Variants in BCR observed in about 807,000 individuals in gnomAD.
BCR encodes the protein BCR activator of RhoGEF and GTPase.
A neutral mutation model predicts 138.6 loss-of-function variants in BCR; 58 were observed. That is an observed-to-expected ratio of 0.42 (90% CI 0.34 to 0.52). The LOEUF is 0.52. BCR is among the 20% of genes least tolerant of loss of function. The pLI is 0.06. For missense variants in BCR, 1,599 were observed against 1,727.2 expected (o/e 0.93, Z 1.32); for synonymous variants, 786 against 730.1 (o/e 1.08, Z -1.23).
chr22:23,289,560 G>A lies in BCR; in HGVS notation c.2646G>A (p.Leu882=). The change falls in exon 13 of 23, where the codon CTG becomes CTA. Residue 882 remains leucine, a synonymous_variant. Coordinates refer to ENST00000305877, the MANE Select transcript of BCR (RefSeq NM_004327.4). Reference sequence around the variant, plus strand: ...TGACATCCGTGGAGCTGCAGATGCTGACCAACTCGTGTGTGAAACTCCAGA... The same window carrying A: ...TGACATCCGTGGAGCTGCAGATGCTAACCAACTCGTGTGTGAAACTCCAGA... ...FSLTSVELQM[L]TNSCVKLQTV... is the part of the protein sequence containing the mutation. 1 of 1,614,244 alleles carries A rather than the reference G, an allele frequency of 6.2e-7. No individual in the cohort carries two copies. The highest frequency in any genetic ancestry group is 8.5e-7 in the Non-Finnish European group (1 of 1,180,044).
chr22:23,258,591 A>G (rs2073321905), intron 2 of BCR, among the ~76,000 whole-genome samples: 1 of 152,134 alleles, frequency 6.6e-6, no homozygotes, highest in African/African-American at 2.4e-5. Flanking sequence ...CCTCAAACCC[A>G]TCAGTTCTCA....
At chr22:23,290,595 T>C in intron 14 of BCR, 182 bp downstream of exon 14, 1 of 642,456 alleles carries the variant, frequency 1.6e-6, no homozygotes, top group South Asian at 1.7e-5. Flanking sequence ...GAATTGTTTT[T>C]CCCGGAGTGG....
chr22:23,313,294 G>A (rs1404446503), intron 20 of BCR, among the ~76,000 whole-genome samples: 1 of 152,226 alleles, frequency 6.6e-6, no homozygotes, highest in African/African-American at 2.4e-5. Context: ...AAAGTCTGCT[G>A]TCCTCCTTCC....
chr22:23,188,051 G>A (rs371950007), intron 1 of BCR, among the ~76,000 whole-genome samples: 3 of 152,190 alleles, frequency 2.0e-5, no homozygotes, highest in East Asian at 1.9e-4. Context: ...TAACTGTGGG[G>A]CAGAGAAAGG....
At chr22:23,217,508 TC>T (rs1171649674) in intron 1 of BCR, among the ~76,000 whole-genome samples, 1 of 152,202 alleles carries the variant, frequency 6.6e-6, no homozygotes, top group Non-Finnish European at 1.5e-5. Context: ...GTTGGCCTCC[TC>T]TGTAAGGTAG....
chr22:23,310,235 A>C (rs2073992553), intron 17 of BCR, 89 bp from the exon 18 acceptor site: 2 of 619,124 alleles, frequency 3.2e-6, no homozygotes, highest in Non-Finnish European at 6.0e-6. Context: ...GGGGGTGGAA[A>C]TATTTGATGA....
At chr22:23,280,547 C>G (rs2073631852) in intron 8 of BCR, among the ~76,000 whole-genome samples, 1 of 152,208 alleles carries the variant, frequency 6.6e-6, no homozygotes, top group East Asian at 1.9e-4. Flanking sequence ...GTCGCAGTTT[C>G]ATTTAATCCT....
Position 23,226,068 on chromosome 22 carries a change from A to G in BCR, c.1280-27731A>G, listed in dbSNP as rs568310243. Reference sequence around the variant, plus strand: ...CCTGCCGGAGCCTGGGTCCCCTGGCAGGGTGGGGCAGGATAGGGTGGGGTG... The same window carrying G: ...CCTGCCGGAGCCTGGGTCCCCTGGCGGGGTGGGGCAGGATAGGGTGGGGTG... On this transcript the variant is annotated intron_variant, in intron 1 of 22. Coordinates refer to ENST00000305877, the MANE Select transcript of BCR (RefSeq NM_004327.4). 1.0e-3 allele frequency among the ~76,000 whole-genome samples: 154 copies of G among 152,326 alleles called. 1 individual carries two copies. Among genetic ancestry groups the G allele is most frequent in the South Asian group, 3.7e-3 (18 of 4,832 alleles).
intron 1 of BCR, among the ~76,000 whole-genome samples, chr22:23,237,918 C>T (rs980976535): frequency 3.3e-5 from 5 of 152,188 alleles, no homozygotes; most frequent in Admixed American, 1.3e-4. Context: ...TGGAAAGGAG[C>T]GAAAGAGTGC....
At chr22:23,292,226 C>T (rs1207136859) in intron 14 of BCR, among the ~76,000 whole-genome samples, 1 of 152,120 alleles carries the variant, frequency 6.6e-6, no homozygotes, top group Non-Finnish European at 1.5e-5. Flanking sequence ...CCTCTCTGTC[C>T]CCACCAGTGC....
intron 1 of BCR, among the ~76,000 whole-genome samples, chr22:23,201,981 G>C (rs1367299676): frequency 6.6e-6 from 1 of 152,164 alleles, no homozygotes; most frequent in Non-Finnish European, 1.5e-5. Flanking sequence ...TTTTTATATA[G>C]TTAAGATGTT....
Position 23,181,762 on chromosome 22 carries a change from AG to A in BCR, c.804del (p.Arg268SerfsTer20). ...CCTGATCGACGCCAATGGCGGTAGC[AG>A]GCCCCCTTGGCCGCCCCTGGAGTAC... ...DNLIDANGGS[R>X]PPWPPLEYQP... On this transcript the variant is annotated frameshift_variant, in exon 1 of 23. Coordinates refer to ENST00000305877, the MANE Select transcript of BCR (RefSeq NM_004327.4). LOFTEE classifies it high-confidence loss of function. 6.2e-7 allele frequency: 1 copy of A among 1,605,856 alleles called. No homozygotes were observed. The highest frequency in any genetic ancestry group is 8.5e-7 in the Non-Finnish European group (1 of 1,179,964).
At chr22:23,233,789 C>CAAA (rs59819093) in intron 1 of BCR, among the ~76,000 whole-genome samples, 12 of 70,068 alleles carry the variant, frequency 1.7e-4, no homozygotes, top group Admixed American at 4.9e-4. Flanking sequence ...GACCCTGTCT[C>CAAA]AAAAAAAAAA....
chr22:23,195,826 T>C lies in BCR; in HGVS notation c.1279+13587T>C, dbSNP rs188685312. ...TGGCTTGAACCCGGGAGGCGGAGGT[T>C]GCAGTGAACCGAGATCGTGCCATTG... is the stretch of plus-strand genomic sequence containing the variant. On this transcript the variant is annotated intron_variant, in intron 1 of 22. Coordinates refer to ENST00000305877, the MANE Select transcript of BCR (RefSeq NM_004327.4). 3.6e-3 allele frequency among the ~76,000 whole-genome samples: 541 copies of C among 152,302 alleles called. 6 individuals are homozygous for C. Among genetic ancestry groups the C allele is most frequent in the African/African-American group, 0.012 (516 of 41,556 alleles).
intron 1 of BCR, among the ~76,000 whole-genome samples, chr22:23,196,923 G>A (rs796472920): frequency 2.0e-5 from 3 of 152,172 alleles, no homozygotes; most frequent in African/African-American, 7.2e-5. Flanking sequence ...TTCATGGCCC[G>A]GGGGTTGGGG....
chr22:23,312,131 G>T (rs527528160), intron 19 of BCR, among the ~76,000 whole-genome samples: 50 of 152,350 alleles, frequency 3.3e-4, no homozygotes, highest in Non-Finnish European at 5.9e-4. Context: ...CCAGGACTCA[G>T]TGCAGTCTGT....
intron 16 of BCR, among the ~76,000 whole-genome samples, chr22:23,298,283 G>C (rs5759687): frequency 0.12 from 18,505 of 152,214 alleles, 1,415 homozygotes; most frequent in African/African-American, 0.21. Flanking sequence ...GGGATGGCGT[G>C]GGGTGAGGAA....
intron 8 of BCR, among the ~76,000 whole-genome samples, chr22:23,281,121 C>T (rs2073639040): frequency 6.6e-6 from 1 of 152,362 alleles, no homozygotes; most frequent in South Asian, 2.1e-4. Flanking sequence ...CACACAGGGA[C>T]ACACAGACGC....
At chr22:23,287,357 C>T in intron 11 of BCR, 79 bp downstream of exon 11, 1 of 1,455,126 alleles carries the variant, frequency 6.9e-7, no homozygotes, top group African/African-American at 1.4e-5. Flanking sequence ...AGTGCGTTTT[C>T]ACTTGGATGC....
Sources: allele counts gnomAD v4.1 joint callset (sites outside exome capture counted in the v4.1 genomes callset), GRCh38; gene constraint gnomAD v4.1.1; transcripts MANE v1.5; gene names NCBI Gene and HGNC (gene_info 2026-07-23, HGNC 2026-07-21).